Variants in MOB3B observed in about 807,000 individuals in gnomAD.
MOB3B encodes the protein MOB kinase activator 3B, also known as MOB kinase activator-like 2B.
MOB3B carries 7 observed loss-of-function variants against 18.7 expected under a neutral mutation model. The observed-to-expected ratio is 0.37, with a 90% CI of 0.21 to 0.70. MOB3B has a LOEUF of 0.70. Among genes scored for constraint, MOB3B ranks in the 30% least tolerant of loss-of-function variants. The pLI is 0.52. For missense variants in MOB3B, 253 were observed against 281.3 expected, an observed-to-expected ratio of 0.90 and a Z score of 0.72; for synonymous variants, 111 against 99.9, an observed-to-expected ratio of 1.11 and a Z score of -0.66.
intron 1 of MOB3B, among the ~76,000 whole-genome samples, chr9:27,508,840 C>G (rs1207621035): frequency 6.6e-6 from 1 of 152,166 alleles, no homozygotes; most frequent in East Asian, 1.9e-4. Flanking sequence ...CCCATTGAGG[C>G]TGTTTTCCAA....
chr9:27,435,958 A>T (rs1450804682), intron 2 of MOB3B, among the ~76,000 whole-genome samples: 1 of 152,126 alleles, frequency 6.6e-6, no homozygotes, highest in East Asian at 1.9e-4. Context: ...ACTTCCTCAC[A>T]TGTCACTCCA....
chr9:27,503,216 G>T (rs1231291062), intron 1 of MOB3B, among the ~76,000 whole-genome samples: 1 of 152,134 alleles, frequency 6.6e-6, no homozygotes, highest in Non-Finnish European at 1.5e-5. Flanking sequence ...AGGACTGGGA[G>T]TTGAAAAAAT....
intron 1 of MOB3B, among the ~76,000 whole-genome samples, chr9:27,467,495 A>G (rs557789367): frequency 5.3e-5 from 8 of 152,354 alleles, no homozygotes; most frequent in African/African-American, 1.9e-4. Flanking sequence ...CTTCTTCCCC[A>G]CAAGACCTAA....
intron 3 of MOB3B, among the ~76,000 whole-genome samples, chr9:27,350,426 T>C (rs1223226248): frequency 2.0e-5 from 3 of 152,124 alleles, no homozygotes; most frequent in African/African-American, 7.2e-5. Context: ...TCAACTATAA[T>C]TGATCATATT....
chr9:27,459,595 CTTCAG>C (rs531526112), intron 1 of MOB3B, among the ~76,000 whole-genome samples: 64 of 152,048 alleles, frequency 4.2e-4, no homozygotes, highest in African/African-American at 1.5e-3. Flanking sequence ...CATAAACAGT[CTTCAG>C]TTGAGTGTGG....
At chr9:27,443,912 A>G (rs1178655704) in intron 2 of MOB3B, among the ~76,000 whole-genome samples, 1 of 152,176 alleles carries the variant, frequency 6.6e-6, no homozygotes. Context: ...AGTGAAGAGC[A>G]TGAATGGCAT....
chr9:27,503,931 G>C (rs1190497683), intron 1 of MOB3B, among the ~76,000 whole-genome samples: 1 of 152,186 alleles, frequency 6.6e-6, no homozygotes, highest in African/African-American at 2.4e-5. Context: ...CGGCTCCAGA[G>C]CCCCCTGTGC....
chr9:27,470,500 G>A lies in MOB3B; in HGVS notation c.-198-14752C>T, dbSNP rs369379884. ...TGCCATAATCCTCCAGCCTCCAGGC[G>A]ACTTCTCCCTACAGTGCTGTTAGGA... On this transcript the variant is annotated intron_variant, in intron 1 of 3. Coordinates refer to ENST00000262244, the MANE Select transcript of MOB3B (RefSeq NM_024761.5). Among the ~76,000 whole-genome samples, 53 of 152,236 alleles carry A rather than the reference G, an allele frequency of 3.5e-4. No homozygotes were observed. The Middle Eastern group carries it at 0.014, about 39-fold the overall frequency.
At chr9:27,346,594 A>G (rs1821033660) in intron 3 of MOB3B, among the ~76,000 whole-genome samples, 1 of 152,234 alleles carries the variant, frequency 6.6e-6, no homozygotes, top group Non-Finnish European at 1.5e-5. Flanking sequence ...AACAAATCAA[A>G]TGAAAAAATA....
intron 2 of MOB3B, among the ~76,000 whole-genome samples, chr9:27,394,759 AACTG>A (rs386733914): frequency 6.6e-6 from 1 of 150,834 alleles, no homozygotes; most frequent in Non-Finnish European, 1.5e-5. Flanking sequence ...CATTCTTCTT[AACTG>A]ACTTTTTTTT....
At chr9:27,459,101 T>C (rs1195137027) in intron 1 of MOB3B, among the ~76,000 whole-genome samples, 1 of 151,792 alleles carries the variant, frequency 6.6e-6, no homozygotes, top group African/African-American at 2.4e-5. Flanking sequence ...GAGGCACCCA[T>C]CTGTGTCTTT....
intron 1 of MOB3B, among the ~76,000 whole-genome samples, chr9:27,463,275 T>C (rs1343034773): frequency 6.6e-6 from 1 of 152,140 alleles, no homozygotes; most frequent in Non-Finnish European, 1.5e-5. Context: ...ACCTTATGAA[T>C]AGGTATTATT....
intron 1 of MOB3B, among the ~76,000 whole-genome samples, chr9:27,512,209 AGC>A (rs1820157793): frequency 6.6e-6 from 1 of 151,814 alleles, no homozygotes; most frequent in African/African-American, 2.4e-5. Context: ...CCTGGTTTTG[AGC>A]TGGGTACACA....
intron 2 of MOB3B, among the ~76,000 whole-genome samples, chr9:27,399,116 G>A (rs1378432351): frequency 6.6e-6 from 1 of 152,116 alleles, no homozygotes; most frequent in Non-Finnish European, 1.5e-5. Flanking sequence ...GCCCACATGA[G>A]ATCTACTATT....
chr9:27,474,662 G>A (rs1235674309), intron 1 of MOB3B, among the ~76,000 whole-genome samples: 1 of 152,152 alleles, frequency 6.6e-6, no homozygotes, highest in East Asian at 1.9e-4. Context: ...GGGCAAGAAG[G>A]GAAGAGACAT....
intron 2 of MOB3B, among the ~76,000 whole-genome samples, chr9:27,366,350 A>C (rs1224352272): frequency 1.3e-5 from 2 of 152,166 alleles, no homozygotes; most frequent in Non-Finnish European, 2.9e-5. Flanking sequence ...TCCCCAAGAA[A>C]ATTTAATAAA....
intron 1 of MOB3B, among the ~76,000 whole-genome samples, chr9:27,462,053 C>T (rs1247185081): frequency 1.3e-5 from 2 of 152,186 alleles, no homozygotes; most frequent in Non-Finnish European, 2.9e-5. Flanking sequence ...CCAACAATGA[C>T]AAAGATGAAG....
At chr9:27,345,775 A>T (rs949907978) in intron 3 of MOB3B, among the ~76,000 whole-genome samples, 1 of 152,170 alleles carries the variant, frequency 6.6e-6, no homozygotes, top group Non-Finnish European at 1.5e-5. Flanking sequence ...TGTGTATTTC[A>T]TGGGCTCAGG....
rs568351817 is a variant in MOB3B, at chr9:27,326,049, C to T, written c.*4538G>A. The stretch of plus-strand genomic sequence containing the variant: ...AAAGGTAAGAAGTCAGGAAGATAAA[C>T]CAAAATGATTGAGTATGATAAAGAA... On this transcript the variant is annotated 3_prime_UTR_variant, in exon 4 of 4. Transcript: ENST00000262244. The T allele has an allele frequency of 6.9e-6, 1 of 145,098 alleles. No homozygotes were observed. Among genetic ancestry groups the T allele is most frequent in the South Asian group, 2.2e-4 (1 of 4,466 alleles). The allele number at this position is 145,098 out of a possible 1,614,324, so 9.0% of individuals were successfully genotyped here. A position where few individuals can be genotyped will look rare whatever the true frequency, so the allele number is the denominator to read the frequency against.
Sources: allele counts gnomAD v4.1 joint callset (sites outside exome capture counted in the v4.1 genomes callset), GRCh38; gene constraint gnomAD v4.1.1; transcripts MANE v1.5; gene names NCBI Gene and HGNC (gene_info 2026-07-23, HGNC 2026-07-21).